The following TGDS variants were observed in gnomAD, a reference collection of about 807,000 sequenced individuals.
TGDS encodes TDP-glucose 4,6-dehydratase, also known as UDP-D-glucose 4,6-dehydratase.
A neutral mutation model predicts 52.3 loss-of-function variants in TGDS; 47 were observed. The observed-to-expected ratio is 0.90, with a 90% CI of 0.71 to 1.15. The LOEUF (loss-of-function observed/expected upper bound fraction) is 1.15, where lower values mean the gene tolerates loss of function less well. TGDS is among the 50% of genes most tolerant of loss of function. TGDS has a pLI of 0.00. For synonymous variants in TGDS, 115 were observed against 136.9 expected, an observed-to-expected ratio of 0.84 and a Z score of 1.12; for missense variants, 375 against 418.4, an observed-to-expected ratio of 0.90 and a Z score of 0.90.
chr13:94,584,840 A>G (rs771404343), intron 4 of TGDS, among the ~76,000 whole-genome samples: 55 of 152,240 alleles, frequency 3.6e-4, no homozygotes, highest in Non-Finnish European at 7.3e-4. Flanking sequence ...AGTCATTTTG[A>G]ACATAAATAA....
At chr13:94,586,402 A>G (rs140921925) in intron 4 of TGDS, among the ~76,000 whole-genome samples, 1 of 152,350 alleles carries the variant, frequency 6.6e-6, no homozygotes, top group East Asian at 1.9e-4. Flanking sequence ...AGCAGTACAC[A>G]TCACCGGGGA....
intron 5 of TGDS, 147 bp downstream of exon 5, chr13:94,582,947 G>A: frequency 1.4e-6 from 1 of 705,470 alleles, no homozygotes; most frequent in South Asian, 2.5e-5. Context: ...TATTCTATTA[G>A]TTGTGTCCCT....
chr13:94,575,683 T>C (rs1300513288), intron 11 of TGDS, among the ~76,000 whole-genome samples: 1 of 152,168 alleles, frequency 6.6e-6, no homozygotes, highest in Non-Finnish European at 1.5e-5. Flanking sequence ...TTAAATTATT[T>C]TTTGTTTCTT....
At chr13:94,587,779 C>CCT in intron 4 of TGDS, among the ~76,000 whole-genome samples, 1 of 151,876 alleles carries the variant, frequency 6.6e-6, no homozygotes, top group African/African-American at 2.4e-5. Context: ...GGGTGGATCA[C>CCT]GAGGTCAGGA....
Position 94,574,914 on chromosome 13 carries a change from TAACC to T in TGDS, c.983-66_983-63del, listed in dbSNP as rs1888544326. The T allele has an allele frequency of 3.8e-6, 4 of 1,057,642 alleles. No homozygotes were observed. The Admixed American group carries it at 8.9e-5, about 24-fold the overall frequency. The allele number at this position is 1,057,642 out of a possible 1,614,324, so 65.5% of individuals were successfully genotyped here. On this transcript the variant is annotated intron_variant, in intron 11 of 11. Transcript: ENST00000261296. Reference sequence around the variant, plus strand: ...AAAGAAAGAAAAACTAAACATCAGTTAACCAACCTTTACTGAGTTCCTGCTAGCT... The same window carrying T: ...AAAGAAAGAAAAACTAAACATCAGTTAACCTTTACTGAGTTCCTGCTAGCT...
At chr13:94,592,074 T>A (rs112079338) in intron 3 of TGDS, among the ~76,000 whole-genome samples, 167 bp downstream of exon 3, 1 of 152,198 alleles carries the variant, frequency 6.6e-6, no homozygotes, top group African/African-American at 2.4e-5. Context: ...AAAAGTAGTA[T>A]CCTCTAGAGC....
intron 4 of TGDS, among the ~76,000 whole-genome samples, chr13:94,584,188 C>T (rs1335848801): frequency 6.6e-6 from 1 of 152,174 alleles, no homozygotes; most frequent in Non-Finnish European, 1.5e-5. Context: ...GAGTTATGGG[C>T]TAAACTGTGT....
In TGDS at chr13:94,579,892, A is replaced by C. The variant is rs1594441540; in HGVS notation, c.615+2T>G. The C allele has an allele frequency of 6.4e-7, 1 of 1,572,218 alleles. No individual in the cohort carries two copies. Among genetic ancestry groups the C allele is most frequent in the East Asian group, 2.2e-5 (1 of 44,474 alleles). On this transcript the variant is annotated splice_donor_variant, in intron 7 of 11. Transcript: ENST00000261296. LOFTEE classifies it high-confidence loss of function. ...CACCATGAATTAAGAAGTAAAATTTACCTTTTCTGGATATTGATGTGGTCC... is the reference window on the plus strand; with the variant it reads ...CACCATGAATTAAGAAGTAAAATTTCCCTTTTCTGGATATTGATGTGGTCC...
chr13:94,596,064 C>G lies in TGDS; in HGVS notation c.73G>C (p.Gly25Arg). 2 of 1,614,116 alleles carry G rather than the reference C, an allele frequency of 1.2e-6. No individual in the cohort carries two copies. Among genetic ancestry groups the G allele is most frequent in the Non-Finnish European group, 8.5e-7 (1 of 1,179,990 alleles). Residue 25 changes from glycine to arginine, a missense_variant, in exon 1 of 12, where the codon GGT becomes CGT. By Grantham distance (125) the Gly-to-Arg change is moderately radical (BLOSUM62 -2). Transcript: ENST00000261296. ...GFAKRVLVTG[G>R]AGFIASHMIV... is the part of the protein sequence containing the mutation. ...GCCATTACCTACATGAAACCAGCAC[C>G]GCCGGTCACCAGGACCCGCTTCGCA... is the stretch of plus-strand genomic sequence containing the variant.
At chr13:94,579,992 C>A in intron 6 of TGDS, 39 bp from the exon 7 acceptor site, 1 of 1,306,814 alleles carries the variant, frequency 7.7e-7, no homozygotes, top group South Asian at 1.3e-5. Context: ...TTAAAAAGGT[C>A]TAATAATAAT....
intron 3 of TGDS, among the ~76,000 whole-genome samples, chr13:94,591,525 A>T (rs537468296): frequency 2.0e-3 from 311 of 152,284 alleles, no homozygotes; most frequent in African/African-American, 7.1e-3. Flanking sequence ...CCCCGGAGGC[A>T]GGGGTCGCAG....
At chr13:94,581,755 A>G (rs1594444035) in intron 5 of TGDS, among the ~76,000 whole-genome samples, 1 of 152,320 alleles carries the variant, frequency 6.6e-6, no homozygotes, top group East Asian at 1.9e-4. Flanking sequence ...GATTTTCACT[A>G]TGTATGTGTC....
intron 8 of TGDS, 137 bp from the exon 9 acceptor site, chr13:94,578,307 T>A (rs1034231418): frequency 2.3e-6 from 2 of 885,748 alleles, no homozygotes; most frequent in African/African-American, 3.5e-5. Context: ...CAAATTCTCG[T>A]AGCTTTTCTA....
At chr13:94,581,033 G>T in intron 6 of TGDS, 58 bp downstream of exon 6, 1 of 1,040,656 alleles carries the variant, frequency 9.6e-7, no homozygotes, top group Non-Finnish European at 1.4e-6. Context: ...CTGACTTGGA[G>T]TTTTAACACT....
intron 1 of TGDS, among the ~76,000 whole-genome samples, chr13:94,595,003 T>G (rs902462563): frequency 6.6e-6 from 1 of 151,880 alleles, no homozygotes; most frequent in African/African-American, 2.4e-5. Flanking sequence ...CATTTTAGAG[T>G]GGGGATACAA....
chr13:94,579,613 T>G (rs1888718157), intron 7 of TGDS: 1 of 254,018 alleles, frequency 3.9e-6, no homozygotes. Context: ...TTTAGAGTCT[T>G]TAGAAGTACA....
intron 11 of TGDS, 22 bp from the exon 12 acceptor site, chr13:94,574,874 C>CAAAAAAAAAAAAAAAAAGAA: frequency 1.0e-6 from 1 of 980,298 alleles, no homozygotes; most frequent in Non-Finnish European, 1.4e-6. Flanking sequence ...AAACAAAAGA[C>CAAAAAAAAAAAAAAAAAGAA]AAAAAAAAAA....
rs145983214 is a variant in TGDS at position 94,587,584 on chromosome 13, T to C, written c.313+3269A>G. Among the ~76,000 whole-genome samples the C allele has an allele frequency of 2.7e-3, 405 of 152,332 alleles. 1 individual carries two copies. The highest frequency in any genetic ancestry group is 4.2e-3 in the Non-Finnish European group (283 of 68,030). On this transcript the variant is annotated intron_variant, in intron 4 of 11. Transcript: ENST00000261296. ...AGTCAAGTCTTTTCAATAAATGATTTTGAGTCAAATTGATATGGGTATGGG... is the reference window on the plus strand; with the variant it reads ...AGTCAAGTCTTTTCAATAAATGATTCTGAGTCAAATTGATATGGGTATGGG...
chr13:94,582,525 T>C lies in TGDS; in HGVS notation c.456+569A>G, dbSNP rs566393691. Among the ~76,000 whole-genome samples, 39 of 152,320 alleles carry C rather than the reference T, an allele frequency of 2.6e-4. 1 individual carries two copies. The East Asian group carries it at 2.7e-3, about 11-fold the overall frequency. ...CACTTGATCTGAACAGAGGAGACAA[T>C]AGAATAATATTCTATGACGGTTAAC... On this transcript the variant is annotated intron_variant, in intron 5 of 11. Transcript: ENST00000261296.
Sources: allele counts gnomAD v4.1 joint callset (sites outside exome capture counted in the v4.1 genomes callset), GRCh38; gene constraint gnomAD v4.1.1; transcripts MANE v1.5; gene names NCBI Gene and HGNC (gene_info 2026-07-23, HGNC 2026-07-21).